The following MAPK10 variants were observed in gnomAD, a reference collection of about 807,000 sequenced individuals.
MAPK10 encodes the protein mitogen-activated protein kinase 10.
Under a neutral mutation model 59.3 loss-of-function variants are expected in MAPK10, and 25 were observed. The ratio of observed to expected loss-of-function variants is 0.42; its 90% CI spans 0.31 to 0.59. The LOEUF is 0.59. MAPK10 is among the 20% of genes least tolerant of loss of function. MAPK10 has a pLI of 0.15. For synonymous variants in MAPK10, 190 were observed against 200.5 expected, an observed-to-expected ratio of 0.95 and a Z score of 0.44; for missense variants, 351 against 568.9, an observed-to-expected ratio of 0.62 and a Z score of 3.90.
At chr4:86,262,189 C>T (rs189721904) in intron 2 of MAPK10, among the ~76,000 whole-genome samples, 14 of 152,280 alleles carry the variant, frequency 9.2e-5, no homozygotes, top group Admixed American at 3.9e-4. Context: ...GTCACTATAG[C>T]GGGAGTGGGT....
At chr4:86,157,258 T>G (rs542767950) in intron 4 of MAPK10, among the ~76,000 whole-genome samples, 3 of 151,944 alleles carry the variant, frequency 2.0e-5, no homozygotes, top group Non-Finnish European at 4.4e-5. Flanking sequence ...AGGATGGAGA[T>G]TCTATGACAT....
At chr4:86,304,550 G>A (rs1465394395) in intron 2 of MAPK10, among the ~76,000 whole-genome samples, 9 of 148,792 alleles carry the variant, frequency 6.0e-5, no homozygotes, top group South Asian at 2.1e-4. Flanking sequence ...CCGCCACCGC[G>A]CCCGGCTAAT....
At chr4:86,303,162 A>C (rs1224118533) in intron 2 of MAPK10, among the ~76,000 whole-genome samples, 2 of 152,132 alleles carry the variant, frequency 1.3e-5, no homozygotes, top group Non-Finnish European at 2.9e-5. Flanking sequence ...CTCTTAATCC[A>C]CATGTCTCCT....
intron 1 of MAPK10, among the ~76,000 whole-genome samples, chr4:86,548,561 C>T (rs1199271239): frequency 6.6e-6 from 1 of 152,156 alleles, no homozygotes; most frequent in Non-Finnish European, 1.5e-5. Context: ...GGGTTGGTTT[C>T]TAATGGTTTA....
At position 86,022,065 on chromosome 4, in the gene MAPK10, TG is replaced by T. The variant is rs552511277; in HGVS notation, c.1253-4696del. ...CCAGAAAGGGGCTCCCACAGTGCAG[TG>T]GGGGGCTGAAAGGCTCCTCAAATGC... On this transcript the variant is annotated intron_variant, in intron 13 of 13. Coordinates refer to ENST00000641462, the MANE Select transcript of MAPK10 (RefSeq NM_138982.4). Among the ~76,000 whole-genome samples the T allele has an allele frequency of 4.4e-3, 663 of 152,166 alleles. 2 individuals carry two copies. Among genetic ancestry groups the T allele is most frequent in the African/African-American group, 0.015 (634 of 41,538 alleles).
chr4:86,068,307 TATA>T (rs968220786), intron 9 of MAPK10, among the ~76,000 whole-genome samples: 1 of 152,162 alleles, frequency 6.6e-6, no homozygotes, highest in Admixed American at 6.5e-5. Flanking sequence ...AAGAAAAATA[TATA>T]ATGACACATC....
At chr4:86,143,676 C>A (rs1231460338) in intron 4 of MAPK10, among the ~76,000 whole-genome samples, 2 of 152,134 alleles carry the variant, frequency 1.3e-5, no homozygotes, top group Non-Finnish European at 2.9e-5. Context: ...CTCAAGCATA[C>A]AACACAGTAT....
chr4:86,228,865 G>A (rs901258210), intron 2 of MAPK10, among the ~76,000 whole-genome samples: 2 of 152,132 alleles, frequency 1.3e-5, no homozygotes, highest in African/African-American at 4.8e-5. Flanking sequence ...AGTCCTTCAT[G>A]AGCAACAATG....
At chr4:86,031,746 CA>C (rs1283739252) in intron 11 of MAPK10, 1 of 234,716 alleles carries the variant, frequency 4.3e-6, no homozygotes, top group South Asian at 9.8e-5. Context: ...TTTTAAAAAA[CA>C]GACAAAACAC....
At chr4:86,397,465 A>G (rs898950680) in intron 1 of MAPK10, among the ~76,000 whole-genome samples, 5 of 152,150 alleles carry the variant, frequency 3.3e-5, no homozygotes, top group African/African-American at 1.2e-4. Context: ...AGGGATAGAG[A>G]GTACTTTAAG....
intron 11 of MAPK10, among the ~76,000 whole-genome samples, chr4:86,047,359 T>C (rs955831350): frequency 1.3e-5 from 2 of 152,074 alleles, no homozygotes; most frequent in African/African-American, 4.8e-5. Flanking sequence ...AGGAAGAATG[T>C]CCCAGGCAGA....
At chr4:86,409,970 G>T (rs1020874787) in intron 1 of MAPK10, among the ~76,000 whole-genome samples, 1 of 152,172 alleles carries the variant, frequency 6.6e-6, no homozygotes, top group African/African-American at 2.4e-5. Flanking sequence ...AGGCATCCTT[G>T]TCTTGTGCCA....
intron 3 of MAPK10, among the ~76,000 whole-genome samples, chr4:86,166,257 T>C (rs917958797): frequency 4.6e-5 from 7 of 152,242 alleles, no homozygotes; most frequent in Admixed American, 3.9e-4. Context: ...CTCATCTAAC[T>C]ATCCAGTTTA....
chr4:86,083,186 C>A (rs1041864800), intron 9 of MAPK10, among the ~76,000 whole-genome samples: 3 of 152,086 alleles, frequency 2.0e-5, no homozygotes, highest in African/African-American at 7.2e-5. Flanking sequence ...ATCATCCCCC[C>A]TGAAAGGACC....
intron 2 of MAPK10, among the ~76,000 whole-genome samples, chr4:86,338,912 C>T (rs1485903727): frequency 2.0e-5 from 3 of 152,080 alleles, no homozygotes; most frequent in Non-Finnish European, 2.9e-5. Context: ...AGTATTAAAA[C>T]GTTTTACATT....
At chr4:86,352,616 G>C (rs182176164) in intron 2 of MAPK10, among the ~76,000 whole-genome samples, 2 of 152,306 alleles carry the variant, frequency 1.3e-5, no homozygotes, top group Non-Finnish European at 2.9e-5. Flanking sequence ...GGAAGGAAAA[G>C]TATGTGATCT....
chr4:86,189,574 C>T (rs116003260), intron 3 of MAPK10, among the ~76,000 whole-genome samples: 12,931 of 152,092 alleles, frequency 0.085, 1,220 homozygotes, highest in African/African-American at 0.23. Context: ...TATAGAAATG[C>T]TTGTGATATT....
chr4:86,113,531 T>G (rs1418528984), intron 4 of MAPK10, among the ~76,000 whole-genome samples: 1 of 152,236 alleles, frequency 6.6e-6, no homozygotes, highest in East Asian at 1.9e-4. Context: ...TTAAGAATGT[T>G]GCATATTGGC....
intron 11 of MAPK10, among the ~76,000 whole-genome samples, chr4:86,062,580 T>C (rs960109956): frequency 1.1e-4 from 16 of 152,082 alleles, no homozygotes; most frequent in Admixed American, 8.5e-4. Flanking sequence ...AAACAGATTA[T>C]ACATATTAAG....
Sources: gnomAD v4.1 joint callset for allele counts (sites outside exome capture counted in the v4.1 genomes callset) on GRCh38, gnomAD v4.1.1 for gene constraint, MANE v1.5 for transcripts, NCBI Gene and HGNC (gene_info 2026-07-23, HGNC 2026-07-21) for gene names.